Variants in TP63 observed in about 807,000 individuals in gnomAD.
The protein encoded by TP63 is tumor protein 63.
A neutral mutation model predicts 82.8 loss-of-function variants in TP63; 17 were observed. The ratio of observed to expected loss-of-function variants is 0.21; its 90% confidence interval spans 0.14 to 0.31. The LOEUF (loss-of-function observed/expected upper bound fraction) is 0.31, where lower values mean the gene tolerates loss of function less well. TP63 is among the 10% of genes least tolerant of loss of function. The probability of loss-of-function intolerance (pLI) is 1.00; values close to 1 mark genes in which losing one functional copy is unlikely to be tolerated. For missense variants in TP63, 648 were observed against 895.3 expected, an observed-to-expected ratio of 0.72 and a Z score of 3.52; for synonymous variants, 330 against 321.7, an observed-to-expected ratio of 1.03 and a Z score of -0.28.
At chr3:189,894,146 A>C in intron 13 of TP63, 60 bp from the exon 14 acceptor site, 2 of 1,600,032 alleles carry the variant, frequency 1.2e-6, no homozygotes, top group South Asian at 2.2e-5. Flanking sequence ...GATGCTGTGG[A>C]CTAAATGTCC....
intron 1 of TP63, among the ~76,000 whole-genome samples, chr3:189,641,332 G>T (rs939165173): frequency 6.6e-6 from 1 of 151,980 alleles, no homozygotes; most frequent in Non-Finnish European, 1.5e-5. Flanking sequence ...CGAAGCTCAG[G>T]TAGAAATATA....
At chr3:189,660,384 C>G (rs569531649) in intron 1 of TP63, among the ~76,000 whole-genome samples, 8 of 152,074 alleles carry the variant, frequency 5.3e-5, no homozygotes, top group Admixed American at 2.6e-4. Flanking sequence ...TCTGGGTTCT[C>G]TATTCTGTTC....
Position 189,895,303 on chromosome 3 carries a change from A to C in TP63, c.*801A>C, listed in dbSNP as rs1721385749. ...GTTGGGAATGAGGAAAATTCTTAAAAGGCCCATAGCAGCCAGTTCAAAAAC... is the reference window on the plus strand; with the variant it reads ...GTTGGGAATGAGGAAAATTCTTAAACGGCCCATAGCAGCCAGTTCAAAAAC... On this transcript the variant is annotated 3_prime_UTR_variant, in exon 14 of 14. Coordinates refer to ENST00000264731, the MANE Select transcript of TP63 (RefSeq NM_003722.5). The C allele has an allele frequency of 4.5e-6, 1 of 219,958 alleles. No individual in the cohort carries two copies. Among genetic ancestry groups the C allele is most frequent in the South Asian group, 1.8e-4 (1 of 5,416 alleles). The allele number at this position is 219,958 out of a possible 1,614,324, so 13.6% of individuals were successfully genotyped here.
intron 3 of TP63, among the ~76,000 whole-genome samples, chr3:189,748,184 A>G (rs1445619982): frequency 6.6e-6 from 1 of 152,094 alleles, no homozygotes; most frequent in Non-Finnish European, 1.5e-5. Flanking sequence ...CGTACTGAAA[A>G]GTCCTAGTCA....
chr3:189,797,358 G>A (rs1725818453), intron 3 of TP63, among the ~76,000 whole-genome samples: 1 of 152,054 alleles, frequency 6.6e-6, no homozygotes, highest in South Asian at 2.1e-4. Flanking sequence ...CCCGAAGTGA[G>A]CTTGCCTTGG....
the TP63 span, among the ~76,000 whole-genome samples, chr3:189,608,732 A>G: frequency 2.0e-5 from 3 of 152,136 alleles, no homozygotes; most frequent in Non-Finnish European, 4.4e-5. Flanking sequence ...CTATTCAGCA[A>G]TATCATAATT....
the TP63 span, among the ~76,000 whole-genome samples, chr3:189,598,323 AGAG>A: frequency 2.2e-4 from 33 of 150,450 alleles, no homozygotes; most frequent in Non-Finnish European, 4.3e-4. Flanking sequence ...ACGGAATGGG[AGAG>A]GAGAGAAGGG....
At chr3:189,693,266 T>A (rs1296486227) in intron 1 of TP63, among the ~76,000 whole-genome samples, 1 of 152,236 alleles carries the variant, frequency 6.6e-6, no homozygotes, top group Non-Finnish European at 1.5e-5. Flanking sequence ...GAATTTAAAC[T>A]AATTCTTCCA....
intron 2 of TP63, 69 bp downstream of exon 2, chr3:189,737,937 G>A: frequency 6.3e-7 from 1 of 1,580,044 alleles, no homozygotes; most frequent in Non-Finnish European, 8.7e-7. Context: ...TCAAAATATT[G>A]CTTACTAGGG....
At chr3:189,836,000 G>A (rs1713100722) in intron 4 of TP63, among the ~76,000 whole-genome samples, 1 of 150,824 alleles carries the variant, frequency 6.6e-6, no homozygotes, top group South Asian at 2.1e-4. Context: ...TTTGGCTCAC[G>A]CGTCAGACTT....
At chr3:189,652,308 C>A (rs1712965187) in intron 1 of TP63, among the ~76,000 whole-genome samples, 1 of 146,980 alleles carries the variant, frequency 6.8e-6, no homozygotes, top group Non-Finnish European at 1.5e-5. Flanking sequence ...GGATGTGAGA[C>A]ATAAAGTCAA....
intron 10 of TP63, among the ~76,000 whole-genome samples, chr3:189,885,815 A>G (rs943220145): frequency 6.6e-6 from 1 of 152,214 alleles, no homozygotes. Flanking sequence ...AGGTTCTCTC[A>G]TACATCATGA....
At chr3:189,681,357 T>C (rs1422513256) in intron 1 of TP63, among the ~76,000 whole-genome samples, 1 of 152,196 alleles carries the variant, frequency 6.6e-6, no homozygotes, top group African/African-American at 2.4e-5. Context: ...TCCATTAGCA[T>C]ACATTTTAAA....
intron 3 of TP63, among the ~76,000 whole-genome samples, chr3:189,764,065 T>G (rs1362937319): frequency 1.3e-5 from 2 of 152,182 alleles, no homozygotes; most frequent in Non-Finnish European, 2.9e-5. Context: ...TCCCTGTGCA[T>G]GCATATGACC....
the TP63 span, among the ~76,000 whole-genome samples, chr3:189,617,564 G>A: frequency 1.3e-5 from 2 of 152,100 alleles, no homozygotes; most frequent in East Asian, 3.8e-4. Context: ...GAGTTTTTTA[G>A]GGGTCATATT....
the TP63 span, among the ~76,000 whole-genome samples, chr3:189,608,452 A>AT: frequency 6.6e-6 from 1 of 152,146 alleles, no homozygotes; most frequent in African/African-American, 2.4e-5. Context: ...TGAGGCTACG[A>AT]TATCTCTCAG....
intron 10 of TP63, among the ~76,000 whole-genome samples, chr3:189,882,204 G>C (rs1486306726): frequency 6.6e-6 from 1 of 151,938 alleles, no homozygotes; most frequent in Non-Finnish European, 1.5e-5. Flanking sequence ...TTTGATATTT[G>C]CTTTTCTTTC....
intron 1 of TP63, among the ~76,000 whole-genome samples, chr3:189,637,404 ACC>A (rs1729851854): frequency 6.6e-6 from 1 of 152,126 alleles, no homozygotes; most frequent in South Asian, 2.1e-4. Context: ...ATGTAAGCAT[ACC>A]TCAAGTTCCA....
At chr3:189,618,285 C>G in the TP63 span, among the ~76,000 whole-genome samples, 3 of 152,310 alleles carry the variant, frequency 2.0e-5, no homozygotes, top group Admixed American at 2.0e-4. Context: ...TTCTGTATCT[C>G]AAAATGGGCT....
Sources: allele counts gnomAD v4.1 joint callset (sites outside exome capture counted in the v4.1 genomes callset), GRCh38; gene constraint gnomAD v4.1.1; transcripts MANE v1.5; gene names NCBI Gene and HGNC (gene_info 2026-07-23, HGNC 2026-07-21).